The following PCDH15 variants were observed in gnomAD, a reference collection of about 807,000 sequenced individuals.
The protein encoded by PCDH15 is protocadherin-15.
A neutral mutation model predicts 178.5 loss-of-function variants in PCDH15; 129 were observed. The ratio of observed to expected loss-of-function variants is 0.72; its 90% CI spans 0.63 to 0.84. The LOEUF (loss-of-function observed/expected upper bound fraction) is 0.84. Ranked by LOEUF, PCDH15 falls within the 40% of genes least tolerant of loss-of-function variation. PCDH15 has a pLI of 0.00. For missense variants in PCDH15, 2,230 were observed against 2,099.9 expected (o/e 1.06, Z -1.21); for synonymous variants, 800 against 732.0 (o/e 1.09, Z -1.50).
intron 2 of PCDH15, among the ~76,000 whole-genome samples, chr10:55,421,339 TATAA>T (rs1838616650): frequency 1.3e-5 from 2 of 150,876 alleles, no homozygotes; most frequent in African/African-American, 4.8e-5. Context: ...CTGAAATATT[TATAA>T]ATAATATTTT....
intron 2 of PCDH15, among the ~76,000 whole-genome samples, chr10:55,023,834 C>CAT (rs1010749188): frequency 5.3e-5 from 8 of 150,290 alleles, no homozygotes; most frequent in African/African-American, 1.5e-4. Flanking sequence ...CACACACACT[C>CAT]ATATATATAT....
At chr10:53,877,911 C>G (rs1317750580) in intron 26 of PCDH15, among the ~76,000 whole-genome samples, 1 of 152,072 alleles carries the variant, frequency 6.6e-6, no homozygotes, top group Non-Finnish European at 1.5e-5. Flanking sequence ...ACTTTTAACT[C>G]TAGCGATAGC....
At chr10:54,358,725 A>G (rs939596075) in intron 5 of PCDH15, among the ~76,000 whole-genome samples, 1 of 152,204 alleles carries the variant, frequency 6.6e-6, no homozygotes. Context: ...TGTTTACTGC[A>G]GCACTATTCA....
At position 54,063,512 on chromosome 10, in the gene PCDH15, G is replaced by A. The variant is rs144054268; in HGVS notation, c.2220+3245C>T. 2.0e-3 allele frequency among the ~76,000 whole-genome samples: 298 copies of A among 152,204 alleles called. 1 individual carries two copies. Among genetic ancestry groups the A allele is most frequent in the African/African-American group, 6.8e-3 (282 of 41,524 alleles). ...CCTATGCATGTCCCTCAGAGCATTT[G>A]GTATGCTTTGGCCAACTTCCACCTC... is the stretch of plus-strand genomic sequence containing the variant. On this transcript the variant is annotated intron_variant, in intron 18 of 37. Transcript: ENST00000644397.
At chr10:54,113,017 C>G (rs1324234961) in intron 15 of PCDH15, among the ~76,000 whole-genome samples, 1 of 152,122 alleles carries the variant, frequency 6.6e-6, no homozygotes, top group Non-Finnish European at 1.5e-5. Context: ...CTTTCTAGCA[C>G]TCTAAATCCT....
intron 2 of PCDH15, among the ~76,000 whole-genome samples, chr10:54,608,319 A>T (rs1157174125): frequency 6.6e-6 from 1 of 151,606 alleles, no homozygotes; most frequent in Admixed American, 6.6e-5. Flanking sequence ...AAAAAAAAAG[A>T]AAAAATAGCG....
chr10:54,296,859 A>AT, intron 8 of PCDH15, among the ~76,000 whole-genome samples: 1 of 152,098 alleles, frequency 6.6e-6, no homozygotes, highest in East Asian at 1.9e-4. Context: ...CCTCCACTTC[A>AT]TTTTTGGGGC....
At chr10:54,300,935 G>T (rs962972230) in intron 8 of PCDH15, among the ~76,000 whole-genome samples, 2 of 152,148 alleles carry the variant, frequency 1.3e-5, no homozygotes, top group Admixed American at 1.3e-4. Flanking sequence ...TGGAAGCTCT[G>T]TTTTTTCACT....
At chr10:53,891,714 A>T (rs1013445893) in intron 26 of PCDH15, among the ~76,000 whole-genome samples, 1 of 151,898 alleles carries the variant, frequency 6.6e-6, no homozygotes, top group Non-Finnish European at 1.5e-5. Context: ...GCATTTTGGG[A>T]GGCCAAGGTA....
chr10:54,998,307 T>C (rs1839697418), intron 2 of PCDH15, among the ~76,000 whole-genome samples: 1 of 152,058 alleles, frequency 6.6e-6, no homozygotes, highest in African/African-American at 2.4e-5. Flanking sequence ...TCTATCTTCA[T>C]GGCCACTCCA....
intron 2 of PCDH15, among the ~76,000 whole-genome samples, chr10:54,966,482 T>C (rs911846032): frequency 6.6e-6 from 1 of 152,130 alleles, no homozygotes; most frequent in Admixed American, 6.6e-5. Context: ...CTATTGCTTC[T>C]AGGCTACCAA....
intron 2 of PCDH15, among the ~76,000 whole-genome samples, chr10:55,551,571 C>A (rs1842003809): frequency 6.6e-6 from 1 of 151,398 alleles, no homozygotes; most frequent in Non-Finnish European, 1.5e-5. Context: ...ATGTGTTTCC[C>A]AAAAAAGTTG....
At chr10:54,324,820 A>G (rs1038854000) in intron 7 of PCDH15, among the ~76,000 whole-genome samples, 1 of 152,048 alleles carries the variant, frequency 6.6e-6, no homozygotes, top group Non-Finnish European at 1.5e-5. Context: ...CTTTCTGGTA[A>G]TTAAGAAATC....
At chr10:54,981,942 T>A (rs1318320938) in intron 2 of PCDH15, among the ~76,000 whole-genome samples, 2 of 151,874 alleles carry the variant, frequency 1.3e-5, no homozygotes, top group African/African-American at 4.8e-5. Flanking sequence ...TTTCCTTTTT[T>A]TTTTTTCTTT....
At chr10:55,154,088 T>C (rs183317087) in intron 2 of PCDH15, among the ~76,000 whole-genome samples, 23 of 152,260 alleles carry the variant, frequency 1.5e-4, no homozygotes, top group Non-Finnish European at 3.4e-4. Flanking sequence ...TTATACAGCC[T>C]AATTTCTGGC....
chr10:55,072,870 T>C (rs1437144194), intron 2 of PCDH15, among the ~76,000 whole-genome samples: 2 of 150,790 alleles, frequency 1.3e-5, no homozygotes, highest in Non-Finnish European at 3.0e-5. Context: ...GCAAACCGAA[T>C]CCAGCAGCAC....
At chr10:55,091,875 G>GA (rs1564790767) in intron 2 of PCDH15, among the ~76,000 whole-genome samples, 2 of 151,864 alleles carry the variant, frequency 1.3e-5, no homozygotes, top group Non-Finnish European at 2.9e-5. Flanking sequence ...TTTATTAGCT[G>GA]AGAAATGTAT....
chr10:54,415,597 G>A (rs1954225525), intron 3 of PCDH15, among the ~76,000 whole-genome samples: 1 of 151,124 alleles, frequency 6.6e-6, no homozygotes, highest in African/African-American at 2.4e-5. Flanking sequence ...ATTCACAGAT[G>A]TGATATATGT....
chr10:55,550,435 T>G (rs1187752749), intron 2 of PCDH15, among the ~76,000 whole-genome samples: 1 of 152,132 alleles, frequency 6.6e-6, no homozygotes. Context: ...CCTAGGAGTA[T>G]GAGTCATAGT....
Sources: allele counts gnomAD v4.1 joint callset (sites outside exome capture counted in the v4.1 genomes callset), GRCh38; gene constraint gnomAD v4.1.1; transcripts MANE v1.5; gene names NCBI Gene and HGNC (gene_info 2026-07-23, HGNC 2026-07-21).